Variants in TNIP3 observed in about 807,000 individuals in gnomAD.
TNIP3 encodes the protein TNFAIP3 interacting protein 3, also known as TNFAIP3-interacting protein 3.
TNIP3 carries 34 observed loss-of-function variants against 54.1 expected under a neutral mutation model. The observed-to-expected ratio is 0.63, with a 90% CI of 0.48 to 0.84. TNIP3 has a LOEUF of 0.84. TNIP3 is among the 40% of genes least tolerant of loss of function. The pLI, the probability that TNIP3 is intolerant of heterozygous loss-of-function variation, is 0.00. For synonymous variants in TNIP3, 134 were observed against 136.8 expected (o/e 0.98, Z 0.14); for missense variants, 366 against 387.6 (o/e 0.94, Z 0.47).
Position 121,132,391 on chromosome 4 carries a change from A to G in TNIP3, c.*240T>C, listed in dbSNP as rs977300975. The G allele has an allele frequency of 6.7e-6, 3 of 450,118 alleles. No homozygotes were observed. The highest frequency in any genetic ancestry group is 3.8e-5 in the Admixed American group (1 of 26,024). 27.9% of individuals were successfully genotyped at this position (450,118 alleles called of 1,614,324 possible). On this transcript the variant is annotated 3_prime_UTR_variant, in exon 11 of 11. Coordinates refer to ENST00000057513, the MANE Select transcript of TNIP3 (RefSeq NM_024873.6). The stretch of plus-strand genomic sequence containing the variant: ...GTGCATCATCCATCTGCCAAGTCTC[A>G]TTTCAAGGAAACTGGAAGTTGTATT...
chr4:121,132,456 CT>C lies in TNIP3; in HGVS notation c.*174del. 3 of 553,170 alleles carry C rather than the reference CT, an allele frequency of 5.4e-6. No homozygotes were observed. Among genetic ancestry groups the C allele is most frequent in the Non-Finnish European group, 6.4e-6 (2 of 312,614 alleles). The allele number at this position is 553,170 out of a possible 1,614,324, so 34.3% of individuals were successfully genotyped here. A position where few individuals can be genotyped will look rare whatever the true frequency, so the allele number is the denominator to read the frequency against. ...CTGGCTCCTCCAATTTGATCAGGATCTTAGCTGTCAGAAGCCTTTTCCTGTA... is the reference window on the plus strand; with the variant it reads ...CTGGCTCCTCCAATTTGATCAGGATCTAGCTGTCAGAAGCCTTTTCCTGTA... On this transcript the variant is annotated 3_prime_UTR_variant, in exon 11 of 11. Coordinates refer to ENST00000057513, the MANE Select transcript of TNIP3 (RefSeq NM_024873.6).
chr4:121,154,532 T>A lies in TNIP3; in HGVS notation c.492+19A>T. The A allele has an allele frequency of 1.2e-6, 2 of 1,612,864 alleles. No individual in the cohort carries two copies. Among genetic ancestry groups the A allele is most frequent in the Middle Eastern group, 3.3e-4 (2 of 6,046 alleles). ...AGGGACTTCTCATTTTAATCTCCCA[T>A]GCTTGACCTGACTGATACCTTATTG... On this transcript the variant is annotated intron_variant, in intron 5 of 10. Transcript: ENST00000057513.
At chr4:121,193,191 T>A (rs2148834194) in intron 2 of TNIP3, among the ~76,000 whole-genome samples, 1 of 152,314 alleles carries the variant, frequency 6.6e-6, no homozygotes, top group African/African-American at 2.4e-5. Flanking sequence ...CTATCAGAGA[T>A]GAGAAGAGAC....
intron 5 of TNIP3, among the ~76,000 whole-genome samples, chr4:121,151,990 C>T (rs1031237780): frequency 4.6e-5 from 7 of 152,188 alleles, no homozygotes; most frequent in Non-Finnish European, 8.8e-5. Flanking sequence ...TTTGGTTAAA[C>T]ATCTGGCTTC....
intron 5 of TNIP3, among the ~76,000 whole-genome samples, chr4:121,154,000 AACAC>A (rs112783146): frequency 2.9e-4 from 44 of 149,276 alleles, no homozygotes; most frequent in African/African-American, 9.3e-4. Context: ...TCCATAAAAC[AACAC>A]ACACACACAC....
At chr4:121,135,237 T>C (rs1446286834) in intron 10 of TNIP3, among the ~76,000 whole-genome samples, 1 of 152,226 alleles carries the variant, frequency 6.6e-6, no homozygotes. Context: ...GTTTCTATGC[T>C]TGATTCATGA....
At chr4:121,210,240 A>G (rs993148198) in intron 2 of TNIP3, among the ~76,000 whole-genome samples, 1 of 152,202 alleles carries the variant, frequency 6.6e-6, no homozygotes, top group Admixed American at 6.5e-5. Flanking sequence ...ATAATAAAGA[A>G]AGGAAAAATT....
chr4:121,140,234 T>A (rs1729035079), intron 9 of TNIP3, among the ~76,000 whole-genome samples: 2 of 152,038 alleles, frequency 1.3e-5, no homozygotes, highest in African/African-American at 2.4e-5. Context: ...GTCGGGAGGC[T>A]GAGGCAGGAG....
chr4:121,198,147 GTTTTTTTTTTTT>G (rs1183916394), intron 2 of TNIP3, among the ~76,000 whole-genome samples: 1 of 139,530 alleles, frequency 7.2e-6, no homozygotes, highest in Non-Finnish European at 1.6e-5. Context: ...TTTCATTCTT[GTTTTTTTTTTTT>G]TTAGAAATTA....
Position 121,132,641 on chromosome 4 carries a change from A to G in TNIP3, c.968T>C (p.Val323Ala). The change falls in exon 11 of 11, where the codon GTC (valine) becomes GCC (alanine). Residue 323 changes from valine to alanine, a missense_variant. By Grantham distance (64) the Val-to-Ala change is moderately conservative. Transcript: ENST00000057513. ...TGTTAGTGTGTACTTCTACGGATGGACTTTCTTTACTGAGGATAAACCTAT... is the reference window on the plus strand; with the variant it reads ...TGTTAGTGTGTACTTCTACGGATGGGCTTTCTTTACTGAGGATAAACCTAT... ...KANGLSSVKK[V>A]HP 1 of 1,613,036 alleles carries G rather than the reference A, an allele frequency of 6.2e-7. No homozygotes were observed. The highest frequency in any genetic ancestry group is 8.5e-7 in the Non-Finnish European group (1 of 1,179,154).
intron 2 of TNIP3, among the ~76,000 whole-genome samples, chr4:121,184,112 C>G (rs1477920591): frequency 6.6e-6 from 1 of 151,052 alleles, no homozygotes; most frequent in Non-Finnish European, 1.5e-5. Flanking sequence ...AGGAAAAATG[C>G]ATTAATTGTG....
upstream of TNIP3, among the ~76,000 whole-genome samples, chr4:121,165,656 A>AGTTT (rs1297204020): frequency 7.5e-6 from 1 of 133,080 alleles, no homozygotes; most frequent in African/African-American, 3.3e-5. Flanking sequence ...ACTTTTTGCT[A>AGTTT]GTTTGTGTGT....
At chr4:121,182,289 G>A (rs553498561) in intron 3 of TNIP3, among the ~76,000 whole-genome samples, 5 of 152,154 alleles carry the variant, frequency 3.3e-5, no homozygotes, top group South Asian at 2.1e-4. Context: ...AATACAAAAC[G>A]AAACAAAAAC....
At position 121,181,624 on chromosome 4, in the gene TNIP3, G is replaced by GTGT. The variant is rs59255247; in HGVS notation, c.189+1051_189+1052insACA. On this transcript the variant is annotated intron_variant, in intron 3 of 12. Coordinates refer to the TNIP3 transcript ENST00000507879. ...GTGAAGAGGGTAAGTTAATAAGACA[G>GTGT]GTGTGTGTGTGTGTGTGTGTGTGTG... is the stretch of plus-strand genomic sequence containing the variant. Among the ~76,000 whole-genome samples, 202 of 148,678 alleles carry GTGT rather than the reference G, an allele frequency of 1.4e-3. 1 individual carries two copies. Among genetic ancestry groups the GTGT allele is most frequent in the African/African-American group, 4.8e-3 (194 of 40,716 alleles).
exon 3 of TNIP3, chr4:121,182,725 C>A: frequency 6.5e-7 from 1 of 1,534,098 alleles, no homozygotes; most frequent in South Asian, 1.2e-5. Context: ...TGGGGTGAAC[C>A]GTTTTGGATG....
intron 2 of TNIP3, among the ~76,000 whole-genome samples, chr4:121,159,207 C>A (rs547806167): frequency 2.0e-5 from 3 of 151,964 alleles, no homozygotes; most frequent in Non-Finnish European, 4.4e-5. Context: ...TGTGCCACTG[C>A]ACTCCATCCT....
chr4:121,222,804 G>GTTT (rs138758827), intron 1 of TNIP3, among the ~76,000 whole-genome samples: 5,815 of 105,700 alleles, frequency 0.055, 753 homozygotes, highest in South Asian at 0.2. Flanking sequence ...TTTTTTGTGC[G>GTTT]TTTTTTTTTT....
intron 2 of TNIP3, among the ~76,000 whole-genome samples, chr4:121,195,532 A>C (rs981085721): frequency 6.6e-6 from 1 of 152,258 alleles, no homozygotes; most frequent in Non-Finnish European, 1.5e-5. Flanking sequence ...TGTTTATTAT[A>C]ACATGTCAAA....
At position 121,131,544 on chromosome 4, in the gene TNIP3, A is replaced by G. The variant is rs1046860703; in HGVS notation, c.*1087T>C. 1 of 150,566 alleles carries G rather than the reference A, an allele frequency of 6.6e-6. No individual in the cohort carries two copies. The highest frequency in any genetic ancestry group is 2.4e-5 in the African/African-American group (1 of 40,926). 9.3% of individuals were successfully genotyped at this position (150,566 alleles called of 1,614,324 possible). Reference sequence around the variant, plus strand: ...ATATGTCTGAAATATTTCTGTAAGTATATATGGACACAGCATAGCCATATA... The same window carrying G: ...ATATGTCTGAAATATTTCTGTAAGTGTATATGGACACAGCATAGCCATATA... On this transcript the variant is annotated 3_prime_UTR_variant, in exon 11 of 11. Coordinates refer to ENST00000057513, the MANE Select transcript of TNIP3 (RefSeq NM_024873.6).
Sources: gnomAD v4.1 joint callset for allele counts (sites outside exome capture counted in the v4.1 genomes callset) on GRCh38, gnomAD v4.1.1 for gene constraint, MANE v1.5 for transcripts, NCBI Gene and HGNC (gene_info 2026-07-23, HGNC 2026-07-21) for gene names.